Variants in SUCLG2 observed in about 807,000 individuals in gnomAD.
The protein encoded by SUCLG2 is succinate--CoA ligase [GDP-forming] subunit beta, mitochondrial.
A neutral mutation model predicts 47.9 loss-of-function variants in SUCLG2; 42 were observed. That is an observed-to-expected ratio of 0.88 (90% CI 0.69 to 1.14). SUCLG2 has a LOEUF of 1.14. Among genes scored for constraint, SUCLG2 ranks in the 50% most tolerant of loss-of-function variants. SUCLG2 has a pLI of 0.00. For missense variants in SUCLG2, 571 were observed against 525.9 expected, an observed-to-expected ratio of 1.09 and a Z score of -0.84; for synonymous variants, 195 against 197.3, an observed-to-expected ratio of 0.99 and a Z score of 0.10.
intron 4 of SUCLG2, among the ~76,000 whole-genome samples, chr3:67,524,930 A>C (rs975750141): frequency 3.9e-5 from 6 of 152,200 alleles, no homozygotes; most frequent in African/African-American, 1.4e-4. Flanking sequence ...CTCCAGGCTC[A>C]CATGGTTTCA....
intron 2 of SUCLG2, among the ~76,000 whole-genome samples, chr3:67,565,108 G>A (rs1707414630): frequency 6.6e-6 from 1 of 151,928 alleles, no homozygotes. Flanking sequence ...ATTTTGACAG[G>A]GAAACACATT....
At chr3:67,408,759 T>C in intron 9 of SUCLG2, 1 of 1,344,684 alleles carries the variant, frequency 7.4e-7, no homozygotes, top group East Asian at 2.8e-5. Context: ...TTTTCCTAGG[T>C]GCTAAAATTA....
chr3:67,562,108 T>A (rs1340105668), intron 2 of SUCLG2, among the ~76,000 whole-genome samples: 1 of 152,134 alleles, frequency 6.6e-6, no homozygotes, highest in Non-Finnish European at 1.5e-5. Flanking sequence ...TGTAAATACT[T>A]AAAGACATCA....
chr3:67,568,394 A>G (rs533983278), intron 2 of SUCLG2, among the ~76,000 whole-genome samples: 1 of 152,222 alleles, frequency 6.6e-6, no homozygotes, highest in Non-Finnish European at 1.5e-5. Context: ...CTTTGATCCT[A>G]TGTAAGTCTG....
At chr3:67,414,728 C>T (rs1703001419) in intron 9 of SUCLG2, among the ~76,000 whole-genome samples, 1 of 152,156 alleles carries the variant, frequency 6.6e-6, no homozygotes, top group Non-Finnish European at 1.5e-5. Flanking sequence ...CTGTGTATCT[C>T]CCACAACTAG....
chr3:67,442,582 G>A (rs1029320795), intron 9 of SUCLG2, among the ~76,000 whole-genome samples: 1 of 152,100 alleles, frequency 6.6e-6, no homozygotes, highest in Non-Finnish European at 1.5e-5. Flanking sequence ...TCCTACTGAT[G>A]GCTGAAAGTG....
intron 4 of SUCLG2, among the ~76,000 whole-genome samples, chr3:67,525,184 T>G (rs1706220187): frequency 6.6e-6 from 1 of 152,094 alleles, no homozygotes; most frequent in Non-Finnish European, 1.5e-5. Context: ...AGGCTTAACA[T>G]AACAAAAAAC....
intron 10 of SUCLG2, among the ~76,000 whole-genome samples, chr3:67,366,288 T>C (rs6770280): frequency 0.91 from 138,575 of 152,148 alleles, 63,296 homozygotes; most frequent in East Asian, 0.99. Context: ...AGTGATACCC[T>C]ATCTCTACTA....
At chr3:67,607,225 C>G (rs6772356) in intron 2 of SUCLG2, among the ~76,000 whole-genome samples, 72,183 of 151,934 alleles carry the variant, frequency 0.48, 17,811 homozygotes, top group African/African-American at 0.6. Context: ...CTAGCCACAT[C>G]AGTCTCTTGA....
chr3:67,475,714 C>T (rs1467846940), intron 9 of SUCLG2, among the ~76,000 whole-genome samples: 17 of 151,074 alleles, frequency 1.1e-4, no homozygotes, highest in African/African-American at 2.4e-5. Flanking sequence ...ATTTTCCTTC[C>T]CCTCCTTTTT....
At chr3:67,627,134 T>C (rs547837319) in intron 1 of SUCLG2, among the ~76,000 whole-genome samples, 39 of 152,214 alleles carry the variant, frequency 2.6e-4, no homozygotes, top group Non-Finnish European at 4.7e-4. Flanking sequence ...AATACAGTTT[T>C]ATTTTCTTCA....
chr3:67,586,183 A>C (rs985116311), intron 2 of SUCLG2, among the ~76,000 whole-genome samples: 1 of 152,172 alleles, frequency 6.6e-6, no homozygotes, highest in Non-Finnish European at 1.5e-5. Flanking sequence ...AACAAGGATG[A>C]AGCATCCTAC....
intron 10 of SUCLG2, chr3:67,376,103 T>A: frequency 2.0e-6 from 2 of 985,470 alleles, no homozygotes; most frequent in Non-Finnish European, 2.4e-6. Flanking sequence ...ATTTTACTGA[T>A]GGAAGCTGAG....
At chr3:67,488,398 A>G (rs1244664612) in intron 9 of SUCLG2, among the ~76,000 whole-genome samples, 1 of 152,190 alleles carries the variant, frequency 6.6e-6, no homozygotes, top group East Asian at 1.9e-4. Flanking sequence ...AAGGATTCAC[A>G]GTATCTGCAA....
At chr3:67,370,786 G>C (rs76072572), downstream of SUCLG2, among the ~76,000 whole-genome samples, 3,449 of 152,298 alleles carry the variant, frequency 0.023, 56 homozygotes, top group Middle Eastern at 0.034. Context: ...TTTTCTGACT[G>C]TAGCTGACCA....
intron 2 of SUCLG2, among the ~76,000 whole-genome samples, chr3:67,530,174 C>A (rs974908571): frequency 1.3e-5 from 2 of 152,162 alleles, no homozygotes; most frequent in African/African-American, 4.8e-5. Context: ...AATCTGCAAA[C>A]CCAGGTTTCA....
At chr3:67,460,490 A>G (rs891502022) in intron 9 of SUCLG2, among the ~76,000 whole-genome samples, 1 of 152,032 alleles carries the variant, frequency 6.6e-6, no homozygotes, top group African/African-American at 2.4e-5. Flanking sequence ...AGAGATGGGA[A>G]GTGACTTTTC....
At chr3:67,475,029 A>G (rs575449831) in intron 9 of SUCLG2, among the ~76,000 whole-genome samples, 25 of 151,600 alleles carry the variant, frequency 1.6e-4, no homozygotes, top group African/African-American at 5.3e-4. Context: ...AGGAAAAATC[A>G]TGCTTCCCAG....
At position 67,604,137 on chromosome 3, in the gene SUCLG2, T is replaced by C. The variant is rs142321032; in HGVS notation, c.226+5318A>G. 3.5e-3 allele frequency among the ~76,000 whole-genome samples: 537 copies of C among 152,332 alleles called. 5 individuals are homozygous for C. The highest frequency in any genetic ancestry group is 0.012 in the African/African-American group (507 of 41,580). On this transcript the variant is annotated intron_variant, in intron 2 of 10. Coordinates refer to ENST00000307227, the MANE Select transcript of SUCLG2 (RefSeq NM_003848.4). ...AGGATCTCACTCAATATCTTACCAT[T>C]ATGAACAGTGTTTCAGAAACAAAAT... is the stretch of plus-strand genomic sequence containing the variant.
Sources: gnomAD v4.1 joint callset for allele counts (sites outside exome capture counted in the v4.1 genomes callset) on GRCh38, gnomAD v4.1.1 for gene constraint, MANE v1.5 for transcripts, NCBI Gene and HGNC (gene_info 2026-07-23, HGNC 2026-07-21) for gene names.